The following IL15 variants were observed in gnomAD, a reference collection of about 807,000 sequenced individuals.
The protein encoded by IL15 is interleukin 15.
In IL15, 11 loss-of-function variants were observed where a neutral mutation model predicts 19.6. The observed-to-expected ratio is 0.56, with a 90% CI of 0.35 to 0.93. The LOEUF (loss-of-function observed/expected upper bound fraction) is 0.93. Ranked by LOEUF, IL15 falls within the 40% of genes least tolerant of loss-of-function variation. IL15 has a pLI of 0.01. For synonymous variants in IL15, 58 were observed against 59.6 expected (o/e 0.97, Z 0.12); for missense variants, 197 against 186.5 (o/e 1.06, Z -0.33).
At chr4:141,702,413 A>G (rs534482536) in intron 2 of IL15, among the ~76,000 whole-genome samples, 2 of 152,288 alleles carry the variant, frequency 1.3e-5, no homozygotes, top group African/African-American at 4.8e-5. Flanking sequence ...CCTTTTTTCA[A>G]GTCTCCCAGC....
At chr4:141,654,962 C>T (rs1560903554) in intron 1 of IL15, among the ~76,000 whole-genome samples, 1 of 152,072 alleles carries the variant, frequency 6.6e-6, no homozygotes, top group Non-Finnish European at 1.5e-5. Context: ...GCATAACTGG[C>T]TTTAAAGCAC....
chr4:141,673,684 C>T (rs1428071602), intron 2 of IL15, among the ~76,000 whole-genome samples: 4 of 152,160 alleles, frequency 2.6e-5, no homozygotes, highest in Admixed American at 2.0e-4. Context: ...TATATTTCAA[C>T]TCACCTTCTG....
At chr4:141,723,318 A>AG (rs992879610) in intron 5 of IL15, among the ~76,000 whole-genome samples, 3 of 152,238 alleles carry the variant, frequency 2.0e-5, no homozygotes, top group African/African-American at 4.8e-5. Context: ...ATACTAGAGT[A>AG]GGGGGGGCCC....
At chr4:141,676,646 C>G (rs1728359475) in intron 2 of IL15, among the ~76,000 whole-genome samples, 1 of 152,096 alleles carries the variant, frequency 6.6e-6, no homozygotes, top group Admixed American at 6.5e-5. Context: ...ATTGAACAAG[C>G]CATGAAGGCC....
intron 2 of IL15, among the ~76,000 whole-genome samples, chr4:141,700,250 G>A (rs1275102871): frequency 1.3e-5 from 2 of 152,128 alleles, no homozygotes; most frequent in Admixed American, 6.6e-5. Flanking sequence ...TTCTATTTTG[G>A]TGTATATTGA....
At chr4:141,715,645 T>G (rs901688593) in intron 2 of IL15, 2 of 152,200 alleles carry the variant, frequency 1.3e-5, no homozygotes, top group African/African-American at 4.8e-5. Flanking sequence ...GAATATTTAC[T>G]AAATGAATCA....
intron 1 of IL15, among the ~76,000 whole-genome samples, chr4:141,655,824 A>G (rs1727572468): frequency 6.6e-6 from 1 of 152,244 alleles, no homozygotes; most frequent in African/African-American, 2.4e-5. Context: ...ATAACTTAAT[A>G]TCAAACACAC....
At chr4:141,657,483 C>G (rs1352408492) in intron 2 of IL15, among the ~76,000 whole-genome samples, 1 of 151,880 alleles carries the variant, frequency 6.6e-6, no homozygotes, top group Admixed American at 6.6e-5. Context: ...AACTTTTTGA[C>G]TTTTGTAATA....
chr4:141,716,494 TCA>T (rs1729888217), intron 2 of IL15: 1 of 152,234 alleles, frequency 6.6e-6, no homozygotes, highest in African/African-American at 2.4e-5. Flanking sequence ...GCCTGCAGTC[TCA>T]CAGAATACAA....
At chr4:141,695,271 C>A (rs1027095879) in intron 2 of IL15, among the ~76,000 whole-genome samples, 3 of 118,844 alleles carry the variant, frequency 2.5e-5, no homozygotes, top group Non-Finnish European at 3.3e-5. Context: ...TTCTATGATA[C>A]CTTTTTTTTT....
At chr4:141,640,692 G>A (rs1727013226) in intron 1 of IL15, among the ~76,000 whole-genome samples, 1 of 152,142 alleles carries the variant, frequency 6.6e-6, no homozygotes, top group Non-Finnish European at 1.5e-5. Flanking sequence ...CAGAGCCAGG[G>A]TATTTGTATG....
At chr4:141,639,303 C>T (rs1164552320) in intron 1 of IL15, among the ~76,000 whole-genome samples, 1 of 152,008 alleles carries the variant, frequency 6.6e-6, no homozygotes, top group Non-Finnish European at 1.5e-5. Context: ...TTTCAGGCAG[C>T]GTTGTAATGG....
At position 141,676,189 on chromosome 4, in the gene IL15, T is replaced by C. The variant is rs143922212; in HGVS notation, c.-100+19882T>C. Among the ~76,000 whole-genome samples the C allele has an allele frequency of 7.1e-4, 108 of 152,306 alleles. 1 individual carries two copies. Among genetic ancestry groups the C allele is most frequent in the African/African-American group, 2.4e-3 (98 of 41,570 alleles). ...GCAGGAAGGGATAGGCTAACTCTAC[T>C]GTTTTGTACAAATGCAGTCAGGTTT... On this transcript the variant is annotated intron_variant, in intron 2 of 7. Transcript: ENST00000320650.
At chr4:141,663,431 A>C (rs986848752) in intron 2 of IL15, among the ~76,000 whole-genome samples, 14 of 152,234 alleles carry the variant, frequency 9.2e-5, no homozygotes, top group Admixed American at 2.6e-4. Context: ...GCCTTCAAAA[A>C]TGAAGACTCA....
In IL15 at chr4:141,646,421, C is replaced by T. The variant is rs149695840; in HGVS notation, c.-222+9673C>T. Reference sequence around the variant, plus strand: ...TCTTTTACCTTGCTGTTCCTTCTTCCTAGAATGCTTTTCTCTCAGATATCA... The same window carrying T: ...TCTTTTACCTTGCTGTTCCTTCTTCTTAGAATGCTTTTCTCTCAGATATCA... On this transcript the variant is annotated intron_variant, in intron 1 of 7. Coordinates refer to ENST00000320650, the MANE Select transcript of IL15 (RefSeq NM_000585.5). Among the ~76,000 whole-genome samples, 264 of 152,104 alleles carry T rather than the reference C, an allele frequency of 1.7e-3. 2 individuals are homozygous for T. The highest frequency in any genetic ancestry group is 2.6e-3 in the Non-Finnish European group (179 of 67,934).
At chr4:141,681,343 A>T (rs2152172538) in intron 2 of IL15, among the ~76,000 whole-genome samples, 1 of 152,150 alleles carries the variant, frequency 6.6e-6, no homozygotes, top group South Asian at 2.1e-4. Context: ...AAGTCATAGT[A>T]ATATTTTGCT....
chr4:141,693,225 A>T (rs1579026289), intron 2 of IL15, among the ~76,000 whole-genome samples: 1 of 152,078 alleles, frequency 6.6e-6, no homozygotes, highest in Non-Finnish European at 1.5e-5. Context: ...AAACTATCAG[A>T]TCTTGTGAGA....
At chr4:141,731,017 G>A (rs1730434508) in intron 7 of IL15, among the ~76,000 whole-genome samples, 1 of 152,120 alleles carries the variant, frequency 6.6e-6, no homozygotes, top group Non-Finnish European at 1.5e-5. Context: ...GGTAGGCTGA[G>A]CTAATAAGCT....
At chr4:141,710,607 T>G (rs1579042488) in intron 2 of IL15, among the ~76,000 whole-genome samples, 1 of 152,166 alleles carries the variant, frequency 6.6e-6, no homozygotes, top group African/African-American at 2.4e-5. Context: ...TACTGGTATG[T>G]TTAGACTTAC....
Sources: gnomAD v4.1 joint callset for allele counts (sites outside exome capture counted in the v4.1 genomes callset) on GRCh38, gnomAD v4.1.1 for gene constraint, MANE v1.5 for transcripts, NCBI Gene and HGNC (gene_info 2026-07-23, HGNC 2026-07-21) for gene names.